CSF3R: variants seen among roughly 807,000 people sequenced by gnomAD.
CSF3R encodes the protein colony stimulating factor 3 receptor.
Under a neutral mutation model 84.4 loss-of-function variants are expected in CSF3R, and 52 were observed. The observed-to-expected ratio is 0.62, with a 90% CI of 0.49 to 0.78. The LOEUF (loss-of-function observed/expected upper bound fraction) is 0.78. Ranked by LOEUF, CSF3R falls within the 30% of genes least tolerant of loss-of-function variation. CSF3R has a pLI of 0.00. For synonymous variants in CSF3R, 384 were observed against 429.1 expected, an observed-to-expected ratio of 0.89 and a Z score of 1.30; for missense variants, 890 against 1,055.7, an observed-to-expected ratio of 0.84 and a Z score of 2.17.
At chr1:36,475,767 A>T (rs1363732197) in intron 3 of CSF3R, 94 bp from the exon 4 acceptor site, 3 of 1,262,168 alleles carry the variant, frequency 2.4e-6, no homozygotes, top group Non-Finnish European at 3.3e-6. Context: ...CAGAGGCCTC[A>T]CCTTCCTGTC....
rs1570587067 is a variant in CSF3R at position 36,471,778 on chromosome 1, C to G, written c.1072-132G>C. The G allele has an allele frequency of 3.4e-6, 3 of 887,206 alleles. No individual in the cohort carries two copies. In the East Asian group the frequency reaches 7.8e-5, roughly 23 times the overall value. The allele number at this position is 887,206 out of a possible 1,614,324, so 55.0% of individuals were successfully genotyped here. Reference sequence around the variant, plus strand: ...TGGGGTCCAGGCTTCTCACCCCCCTCCCCTTTTCCCTCTGTTCCCTTGTGC... The same window carrying G: ...TGGGGTCCAGGCTTCTCACCCCCCTGCCCTTTTCCCTCTGTTCCCTTGTGC... On this transcript the variant is annotated intron_variant, in intron 9 of 16. Transcript: ENST00000373106.
chr1:36,466,385 T>G lies in CSF3R; in HGVS notation c.2483A>C (p.His828Pro). ...NFPLLQGIRV[H>P]GMEALGSF ...GAAGCTCCCCAGCGCCTCCATCCCA[T>G]GGACCCGGATCCCCTGCAGGAGGGG... The change falls in exon 17 of 17, where the codon CAT becomes CCT. Residue 828 changes from histidine to proline, a missense_variant. His to Pro is a moderately conservative substitution (Grantham distance 77, BLOSUM62 -2). Transcript: ENST00000373106. This position sits in a 1 kb window ranked among gnomAD's most constrained non-coding sequence, Gnocchi z 4.6. 1 of 1,613,332 alleles carries G rather than the reference T, an allele frequency of 6.2e-7. No individual in the cohort carries two copies. The highest frequency in any genetic ancestry group is 8.5e-7 in the Non-Finnish European group (1 of 1,180,006).
rs1650370658 is a variant in CSF3R at position 36,467,068 on chromosome 1, T to C, written c.2040+162A>G. 7 of 1,224,984 alleles carry C rather than the reference T, an allele frequency of 5.7e-6. 1 individual carries two copies. In the Admixed American group the frequency reaches 1.2e-4, roughly 21 times the overall value. 75.9% of individuals were successfully genotyped at this position (1,224,984 alleles called of 1,614,324 possible). ...CAGGGAGGTGACTGAGGCTTTGAGA[T>C]GGACAGAGGTGGGATTCAAAGTTGG... On this transcript the variant is annotated intron_variant, in intron 16 of 16. Transcript: ENST00000373106. The surrounding 1 kb of genome is among the most constrained non-coding windows in gnomAD (Gnocchi z 4.1).
rs909374401 is a variant in CSF3R, at chr1:36,467,755, A to G, written c.1864+67T>C. 3.1e-6 allele frequency: 5 copies of G among 1,613,750 alleles called. No individual in the cohort carries two copies. The highest frequency in any genetic ancestry group is 3.4e-6 in the Non-Finnish European group (4 of 1,179,772). ...AAAGTCAGTCCCCAGCTACTCTCAA[A>G]ATCAGCATCCTTTGGGTGGGGTACC... On this transcript the variant is annotated intron_variant, in intron 14 of 16. Transcript: ENST00000373106. This position sits in a 1 kb window ranked among gnomAD's most constrained non-coding sequence, Gnocchi z 4.1.
chr1:36,482,308 G>C (rs1023768533), intron 1 of CSF3R, among the ~76,000 whole-genome samples: 18 of 150,206 alleles, frequency 1.2e-4, no homozygotes, highest in South Asian at 2.1e-4. Flanking sequence ...GAGTGGGCGG[G>C]GGGGGGGCAC....
chr1:36,473,838 G>A lies in CSF3R; in HGVS notation c.411C>T (p.Thr137=). The A allele has an allele frequency of 6.2e-7, 1 of 1,614,266 alleles. No homozygotes were observed. Among genetic ancestry groups the A allele is most frequent in the African/African-American group, 1.3e-5 (1 of 75,078 alleles). The change falls in exon 5 of 17, where the codon ACC becomes ACT. Residue 137 remains threonine, a synonymous_variant. Transcript: ENST00000373106. The part of the protein sequence containing the change: ...HNLSCLMNLT[T]SSLICQWEPG... ...GCTCCCACTGGCAGATGAGGCTGCT[G>A]GTTGTGAGGTTCATGAGGCAGGAGA... is the stretch of plus-strand genomic sequence containing the variant.
rs1650528941 is a variant in CSF3R at position 36,469,028 on chromosome 1, A to C, written c.1576+128T>G. 3.0e-5 allele frequency: 22 copies of C among 736,666 alleles called. No homozygotes were observed. The South Asian group carries it at 3.4e-4, about 11-fold the overall frequency. The allele number at this position is 736,666 out of a possible 1,614,324, so 45.6% of individuals were successfully genotyped here. ...CCAGTGTAAGCCAGGGGATTGGGAG[A>C]GATCCTCTCCAGGGCTGGAAGTATG... On this transcript the variant is annotated intron_variant, in intron 12 of 16. Coordinates refer to ENST00000373106, the MANE Select transcript of CSF3R (RefSeq NM_000760.4).
chr1:36,473,991 G>C, intron 4 of CSF3R, 104 bp from the exon 5 acceptor site: 2 of 1,539,148 alleles, frequency 1.3e-6, no homozygotes. Context: ...TGGTTCCTCT[G>C]TTGTCACCTT....
At chr1:36,476,748 C>A (rs1262253097) in intron 3 of CSF3R, among the ~76,000 whole-genome samples, 2 of 152,022 alleles carry the variant, frequency 1.3e-5, no homozygotes, top group African/African-American at 2.4e-5. Context: ...GCACCCTTGA[C>A]CTCCTAGGCT....
rs200299903 is a variant in CSF3R, at chr1:36,475,355, T to C, written c.361+22A>G. ...CAGGAGGGTGTTGGAGGCAGAGTAGTTGGATGGCTGGAAGGACTTACAGCC... is the reference window on the plus strand; with the variant it reads ...CAGGAGGGTGTTGGAGGCAGAGTAGCTGGATGGCTGGAAGGACTTACAGCC... On this transcript the variant is annotated intron_variant, in intron 4 of 16. Transcript: ENST00000373106. The C allele has an allele frequency of 5.6e-6, 9 of 1,612,994 alleles. No individual in the cohort carries two copies. The East Asian group carries it at 1.8e-4, about 32-fold the overall frequency.
chr1:36,467,176 C>T lies in CSF3R; in HGVS notation c.2040+54G>A. ...CTTGGCTTCAGAAGGTGTCCCTTCA[C>T]TGAGCCTGGGCCGACATCCCCATCT... is the stretch of plus-strand genomic sequence containing the variant. On this transcript the variant is annotated intron_variant, in intron 16 of 16. Transcript: ENST00000373106. This position sits in a 1 kb window ranked among gnomAD's most constrained non-coding sequence, Gnocchi z 4.1. The T allele has an allele frequency of 1.3e-6, 2 of 1,586,614 alleles. No individual in the cohort carries two copies. The highest frequency in any genetic ancestry group is 3.3e-5 in the Admixed American group (2 of 59,992).
chr1:36,478,892 A>G, intron 3 of CSF3R: 1 of 211,372 alleles, frequency 4.7e-6, no homozygotes, highest in Non-Finnish European at 9.7e-6. Context: ...AACAAGGAAC[A>G]GAGACAGTAT....
intron 4 of CSF3R, among the ~76,000 whole-genome samples, 186 bp downstream of exon 4, chr1:36,475,191 G>C (rs914487704): frequency 6.6e-6 from 1 of 152,120 alleles, no homozygotes; most frequent in Admixed American, 6.5e-5. Context: ...ATTTTTAGTA[G>C]AGGCGGGGTT....
chr1:36,466,376 T>G lies in CSF3R; in HGVS notation c.2492A>C (p.Glu831Ala). The change falls in exon 17 of 17, where the codon GAG (glutamate) becomes GCG (alanine). Residue 831 changes from glutamate (E) to alanine (A), a missense_variant. Transcript: ENST00000373106. The surrounding 1 kb of genome is among the most constrained non-coding windows in gnomAD (Gnocchi z 4.6). ...GAAGCCCTAGAAGCTCCCCAGCGCCTCCATCCCATGGACCCGGATCCCCTG... is the reference window on the plus strand; with the variant it reads ...GAAGCCCTAGAAGCTCCCCAGCGCCGCCATCCCATGGACCCGGATCCCCTG... ...LLQGIRVHGM[E>A]ALGSF 1 of 1,613,038 alleles carries G rather than the reference T, an allele frequency of 6.2e-7. No individual in the cohort carries two copies. Among genetic ancestry groups the G allele is most frequent in the Non-Finnish European group, 8.5e-7 (1 of 1,179,962 alleles).
intron 5 of CSF3R, 68 bp from the exon 6 acceptor site, chr1:36,473,690 G>A: frequency 6.2e-7 from 1 of 1,613,982 alleles, no homozygotes; most frequent in Non-Finnish European, 8.5e-7. Flanking sequence ...CCTCCCAGAG[G>A]CATGCCCAGC....
chr1:36,476,285 A>T (rs1190232666), intron 3 of CSF3R: 1 of 152,466 alleles, frequency 6.6e-6, no homozygotes, highest in East Asian at 1.9e-4. Context: ...TCTATTGCTT[A>T]TTAATTACAT....
chr1:36,466,317 C>T lies in CSF3R; in HGVS notation c.*40G>A. On this transcript the variant is annotated 3_prime_UTR_variant, in exon 17 of 17. Transcript: ENST00000373106. This position sits in a 1 kb window ranked among gnomAD's most constrained non-coding sequence, Gnocchi z 4.6. ...TCCCCTCTTCTCCAGCTAGCTCAGG[C>T]CTTTAAGAGGCAGGCCCAAGAAGGG... is the stretch of plus-strand genomic sequence containing the variant. The T allele has an allele frequency of 6.2e-7, 1 of 1,612,016 alleles. No homozygotes were observed.
intron 3 of CSF3R, among the ~76,000 whole-genome samples, chr1:36,478,212 A>C (rs1431582426): frequency 6.6e-6 from 1 of 152,126 alleles, no homozygotes; most frequent in African/African-American, 2.4e-5. Flanking sequence ...AGTTAAAAAC[A>C]AGCAAAGCAA....
In CSF3R at chr1:36,469,144, T is replaced by C. The variant is rs757856662; in HGVS notation, c.1576+12A>G. ...GAGAGGATTCTGGAAAGGGGCCTGA[T>C]AGTTGACAAACCCATTTCTTGAGAG... On this transcript the variant is annotated intron_variant, in intron 12 of 16. Transcript: ENST00000373106. 1 of 1,595,198 alleles carries C rather than the reference T, an allele frequency of 6.3e-7. No homozygotes were observed. The highest frequency in any genetic ancestry group is 8.6e-7 in the Non-Finnish European group (1 of 1,163,088).
Sources: allele counts gnomAD v4.1 joint callset (sites outside exome capture counted in the v4.1 genomes callset), GRCh38; gene constraint gnomAD v4.1.1; non-coding constraint Gnocchi (gnomAD v3.1); transcripts MANE v1.5; gene names NCBI Gene and HGNC (gene_info 2026-07-23, HGNC 2026-07-21).